USP35: variants seen among roughly 807,000 people sequenced by gnomAD.
USP35 encodes the protein ubiquitin carboxyl-terminal hydrolase 35.
Under a neutral mutation model 83.8 loss-of-function variants are expected in USP35, and 69 were observed. The ratio of observed to expected loss-of-function variants is 0.82; its 90% CI spans 0.68 to 1.01. The LOEUF (loss-of-function observed/expected upper bound fraction) is 1.01, where lower values mean the gene tolerates loss of function less well. USP35 is among the 50% of genes least tolerant of loss of function. The pLI is 0.00. For missense variants in USP35, 1,503 were observed against 1,362.5 expected, an observed-to-expected ratio of 1.10 and a Z score of -1.62; for synonymous variants, 714 against 589.5, an observed-to-expected ratio of 1.21 and a Z score of -3.06.
rs529623459 is a variant in USP35, at chr11:78,200,126, C to T, written c.937-7C>T. The T allele has an allele frequency of 6.2e-7, 1 of 1,614,186 alleles. No individual in the cohort carries two copies. The highest frequency in any genetic ancestry group is 2.2e-5 in the East Asian group (1 of 44,882). On this transcript the variant is annotated splice_region_variant and splice_polypyrimidine_tract_variant and intron_variant, in intron 4 of 10. Transcript: ENST00000529308. The stretch of plus-strand genomic sequence containing the variant: ...CTGGGGACTCCTGACCAGGGACTCT[C>T]TTGTAGGTTTTCTCTAAGCTGCTGT...
intron 8 of USP35, 122 bp from the exon 9 acceptor site, chr11:78,208,735 T>C (rs1863613765): frequency 2.8e-6 from 3 of 1,052,794 alleles, no homozygotes; most frequent in Admixed American, 1.9e-5. Flanking sequence ...GAGGACCTCA[T>C]GGAGGAGGCC....
In USP35 at chr11:78,196,555, G is replaced by GTGC; in HGVS notation, c.311_313dup (p.Val104_Gln105insLeu). The GTGC allele has an allele frequency of 8.0e-7, 1 of 1,244,898 alleles. No homozygotes were observed. The highest frequency in any genetic ancestry group is 1.0e-6 in the Non-Finnish European group (1 of 989,194). The allele number at this position is 1,244,898 out of a possible 1,614,324, so 77.1% of individuals were successfully genotyped here. A position where few individuals can be genotyped will look rare whatever the true frequency, so the allele number is the denominator to read the frequency against. On this transcript the variant is annotated inframe_insertion, in exon 2 of 11. Transcript: ENST00000529308. This position sits in a 1 kb window ranked among gnomAD's most constrained non-coding sequence, Gnocchi z 4.8. ...CCCGGGCCCCCGCGCGCTCGCCTGC[G>GTGC]TGCAGCTGGGTCTGCAGCTGCTGCC...
chr11:78,197,834 C>G (rs994097335), intron 2 of USP35, 102 bp from the exon 3 acceptor site: 6 of 1,471,880 alleles, frequency 4.1e-6, no homozygotes, highest in Non-Finnish European at 5.4e-6. Flanking sequence ...TGTGCTCTTC[C>G]TAGAGGCCCA....
intron 1 of USP35, among the ~76,000 whole-genome samples, chr11:78,190,299 A>G (rs1397172917): frequency 6.6e-6 from 1 of 152,092 alleles, no homozygotes; most frequent in Non-Finnish European, 1.5e-5. Context: ...TGTTTGAACA[A>G]TTTCTAGAAT....
rs1475131160 is a variant in USP35 at position 78,199,662 on chromosome 11, G to T, written c.874G>T (p.Gly292Cys). Reference sequence around the variant, plus strand: ...CAAGTGGATCATTGCACTGCTGAAGGGCCTGGCTGCTGTTAAGAAGTTCAG... The same window carrying T: ...CAAGTGGATCATTGCACTGCTGAAGTGCCTGGCTGCTGTTAAGAAGTTCAG... ...IDKWIIALLKGLAAVKKFSIL... is the reference protein window; with the variant it reads ...IDKWIIALLKCLAAVKKFSIL... Residue 292 changes from glycine to cysteine, a missense_variant, in exon 4 of 11, where the codon GGC becomes TGC. Transcript: ENST00000529308. The T allele has an allele frequency of 1.2e-6, 2 of 1,614,230 alleles. No homozygotes were observed. Among genetic ancestry groups the T allele is most frequent in the Admixed American group, 3.3e-5 (2 of 60,030 alleles).
At chr11:78,197,655 C>T (rs569948779) in intron 2 of USP35, among the ~76,000 whole-genome samples, 1 of 152,200 alleles carries the variant, frequency 6.6e-6, no homozygotes, top group Non-Finnish European at 1.5e-5. Context: ...CCTTCTCTAG[C>T]GCCAGCGTTT....
downstream of USP35, chr11:78,218,162 T>G (rs934861560): frequency 6.5e-6 from 1 of 153,674 alleles, no homozygotes; most frequent in Admixed American, 6.5e-5. Context: ...CGACTTCCAC[T>G]GCACTGCTCA....
chr11:78,224,816 T>C, the USP35 span, among the ~76,000 whole-genome samples: 2 of 152,066 alleles, frequency 1.3e-5, no homozygotes, highest in South Asian at 4.2e-4. Flanking sequence ...TCTTAGAGGT[T>C]CCCCCACCGT....
chr11:78,222,488 A>G, the USP35 span, among the ~76,000 whole-genome samples: 10 of 150,238 alleles, frequency 6.7e-5, no homozygotes, highest in Non-Finnish European at 1.2e-4. Flanking sequence ...CCCTCAATTT[A>G]TGACTTCATT....
chr11:78,192,292 T>C (rs1863028995), intron 1 of USP35, among the ~76,000 whole-genome samples: 1 of 152,210 alleles, frequency 6.6e-6, no homozygotes. Context: ...AGAGCCAGCA[T>C]GGACAGGCCA....
intron 1 of USP35, among the ~76,000 whole-genome samples, chr11:78,193,622 T>C (rs976560452): frequency 2.0e-5 from 3 of 152,152 alleles, no homozygotes; most frequent in African/African-American, 7.2e-5. Context: ...GGCAAGGACT[T>C]TGCTTCTGAA....
At chr11:78,217,377 T>TAGG, downstream of USP35, 1 of 152,316 alleles carries the variant, frequency 6.6e-6, no homozygotes. Flanking sequence ...AAACTAATGC[T>TAGG]AGGAGGAGAG....
the USP35 span, among the ~76,000 whole-genome samples, chr11:78,222,862 C>T: frequency 6.6e-6 from 1 of 152,144 alleles, no homozygotes; most frequent in Non-Finnish European, 1.5e-5. Context: ...GGGTTACAGG[C>T]GTACAGGCGT....
downstream of USP35, chr11:78,215,723 A>G (rs1046780): frequency 0.27 from 41,886 of 152,322 alleles, 6,763 homozygotes; most frequent in African/African-American, 0.44. Context: ...CAGGTACCCC[A>G]TTGTGGTCCC....
chr11:78,216,653 G>T (rs963077166), downstream of USP35: 7 of 152,100 alleles, frequency 4.6e-5, no homozygotes, highest in Non-Finnish European at 1.0e-4. Context: ...TGGGAGATTC[G>T]ATTTGAACAC....
chr11:78,231,909 A>G, the USP35 span: 1 of 152,232 alleles, frequency 6.6e-6, no homozygotes, highest in African/African-American at 2.4e-5. Flanking sequence ...GTCACTGGCC[A>G]TGTTTAAGAG....
Position 78,197,929 on chromosome 11 carries a change from G to C in USP35, c.674-7G>C. The C allele has an allele frequency of 6.2e-7, 1 of 1,613,868 alleles. No individual in the cohort carries two copies. The highest frequency in any genetic ancestry group is 8.5e-7 in the Non-Finnish European group (1 of 1,179,878). On this transcript the variant is annotated splice_region_variant and splice_polypyrimidine_tract_variant and intron_variant, in intron 2 of 10. Transcript: ENST00000529308. Reference sequence around the variant, plus strand: ...CCTGCTAAGCTCAGCCCTGTCCCCTGTTCCAGAGGAGGAGCCACCATCTAG... The same window carrying C: ...CCTGCTAAGCTCAGCCCTGTCCCCTCTTCCAGAGGAGGAGCCACCATCTAG...
At chr11:78,226,620 G>GGGGGGCCCC in the USP35 span, 7 of 1,500,516 alleles carry the variant, frequency 4.7e-6, no homozygotes, top group Non-Finnish European at 6.5e-6. Flanking sequence ...GCGGGGTGGG[G>GGGGGGCCCC]GAGCTATGGC....
At chr11:78,232,161 G>T in the USP35 span, among the ~76,000 whole-genome samples, 2 of 152,144 alleles carry the variant, frequency 1.3e-5, no homozygotes, top group Admixed American at 6.5e-5. Flanking sequence ...GAATGAGTCA[G>T]GGAAGACTTA....
Sources: gnomAD v4.1 joint callset for allele counts (sites outside exome capture counted in the v4.1 genomes callset) on GRCh38, gnomAD v4.1.1 for gene constraint, Gnocchi (gnomAD v3.1) non-coding constraint, MANE v1.5 for transcripts, NCBI Gene and HGNC (gene_info 2026-07-23, HGNC 2026-07-21) for gene names.